Variants in RFX2 observed in about 807,000 individuals in gnomAD.
The protein encoded by RFX2 is regulatory factor X2.
In RFX2, 20 loss-of-function variants were observed where a neutral mutation model predicts 87.8. The ratio of observed to expected loss-of-function variants is 0.23; its 90% confidence interval spans 0.16 to 0.33. The LOEUF (loss-of-function observed/expected upper bound fraction) is 0.33. Among genes scored for constraint, RFX2 ranks in the 10% least tolerant of loss-of-function variants. The pLI is 1.00. For missense variants in RFX2, 767 were observed against 1,012.3 expected (o/e 0.76, Z 3.29); for synonymous variants, 397 against 431.3 (o/e 0.92, Z 0.98).
chr19:6,060,710 C>G (rs2087416893), intron 1 of RFX2, among the ~76,000 whole-genome samples: 1 of 152,064 alleles, frequency 6.6e-6, no homozygotes. Flanking sequence ...CGTGTCGCTC[C>G]TCGAAGCTCT....
intron 5 of RFX2, among the ~76,000 whole-genome samples, chr19:6,032,129 T>C (rs2144746127): frequency 6.6e-6 from 1 of 152,220 alleles, no homozygotes; most frequent in Non-Finnish European, 1.5e-5. Flanking sequence ...TTTATTATTA[T>C]TATTATTTTT....
chr19:6,057,036 A>C (rs963646540), intron 1 of RFX2: 4 of 152,208 alleles, frequency 2.6e-5, no homozygotes, highest in African/African-American at 7.2e-5. Flanking sequence ...CAGGGCGGGC[A>C]TGAAATAAAG....
At chr19:6,090,388 A>G (rs1252514968) in intron 1 of RFX2, among the ~76,000 whole-genome samples, 3 of 151,596 alleles carry the variant, frequency 2.0e-5, no homozygotes, top group Non-Finnish European at 4.4e-5. Context: ...AAAAAAAAAA[A>G]GAATACACAT....
chr19:5,995,254 A>G (rs1429322388), intron 17 of RFX2, among the ~76,000 whole-genome samples: 5 of 152,052 alleles, frequency 3.3e-5, no homozygotes, highest in Non-Finnish European at 5.9e-5. Flanking sequence ...TCCCACCCGC[A>G]TGGGACAGAG....
rs376621685 is a variant in RFX2, at chr19:6,002,064, C to T, written c.1651-41G>A. 1 of 1,528,376 alleles carries T rather than the reference C, an allele frequency of 6.5e-7. No homozygotes were observed. The highest frequency in any genetic ancestry group is 8.8e-7 in the Non-Finnish European group (1 of 1,130,384). The allele number at this position is 1,528,376 out of a possible 1,614,324, so 94.7% of individuals were successfully genotyped here. On this transcript the variant is annotated intron_variant, in intron 14 of 17. Coordinates refer to ENST00000303657, the MANE Select transcript of RFX2 (RefSeq NM_000635.4). This position sits in a 1 kb window ranked among gnomAD's most constrained non-coding sequence, Gnocchi z 6.7. ...AGGCCAGTGTCAGCAATGTGGACCC[C>T]CAGCCACGGCAGCCCTCCCTGGACC...
At chr19:6,042,505 T>G (rs3838916) in intron 3 of RFX2, among the ~76,000 whole-genome samples, 29,006 of 152,084 alleles carry the variant, frequency 0.19, 8,076 homozygotes, top group African/African-American at 0.61. Context: ...TGTTTTTTTT[T>G]TTTGTTTGTT....
intron 1 of RFX2, among the ~76,000 whole-genome samples, chr19:6,102,420 A>C (rs900399778): frequency 6.6e-6 from 1 of 152,254 alleles, no homozygotes; most frequent in African/African-American, 2.4e-5. Flanking sequence ...ATGAATGATG[A>C]ACAAATGTCA....
At chr19:6,091,242 A>G (rs2087930166) in intron 1 of RFX2, among the ~76,000 whole-genome samples, 1 of 152,202 alleles carries the variant, frequency 6.6e-6, no homozygotes, top group African/African-American at 2.4e-5. Context: ...CTGTAAACCC[A>G]GCACTTTGGG....
chr19:6,027,155 A>C lies in RFX2; in HGVS notation c.523-918T>G, dbSNP rs2086900235. The C allele has an allele frequency of 6.6e-6, 1 of 151,794 alleles. No homozygotes were observed. Among genetic ancestry groups the C allele is most frequent in the Admixed American group, 6.6e-5 (1 of 15,260 alleles). The allele number at this position is 151,794 out of a possible 1,614,324, so 9.4% of individuals were successfully genotyped here. A position where few individuals can be genotyped will look rare whatever the true frequency, so the allele number is the denominator to read the frequency against. The stretch of plus-strand genomic sequence containing the variant: ...GAAGTATATGCTTCCTTTCTTAAGG[A>C]GGCCAAAGACTTGACACTTCTGCAA... On this transcript the variant is annotated intron_variant, in intron 5 of 17. Transcript: ENST00000303657. This position sits in a 1 kb window ranked among gnomAD's most constrained non-coding sequence, Gnocchi z 5.0.
At position 6,063,924 on chromosome 19, in the gene RFX2, C is replaced by G. The variant is rs895160364; in HGVS notation, c.-8-16420G>C. Among the ~76,000 whole-genome samples, 1 of 152,204 alleles carries G rather than the reference C, an allele frequency of 6.6e-6. No homozygotes were observed. The highest frequency in any genetic ancestry group is 1.5e-5 in the Non-Finnish European group (1 of 68,026). On this transcript the variant is annotated intron_variant, in intron 1 of 17. Transcript: ENST00000303657. The surrounding 1 kb of genome is among the most constrained non-coding windows in gnomAD (Gnocchi z 4.0). ...GAGAACCACACGTCTAAGGCCACAC[C>G]TTTACTCCACACAGCATTTCCAGAT...
rs2086838779 is a variant in RFX2, at chr19:6,022,998, C to T, written c.597+3165G>A. The T allele has an allele frequency of 6.6e-6, 1 of 152,338 alleles. No individual in the cohort carries two copies. The highest frequency in any genetic ancestry group is 1.5e-5 in the Non-Finnish European group (1 of 68,104). The allele number at this position is 152,338 out of a possible 1,614,324, so 9.4% of individuals were successfully genotyped here. On this transcript the variant is annotated intron_variant, in intron 6 of 17. Coordinates refer to ENST00000303657, the MANE Select transcript of RFX2 (RefSeq NM_000635.4). The surrounding 1 kb of genome is among the most constrained non-coding windows in gnomAD (Gnocchi z 6.2). ...CTCAGAGATGTCTGTGAGGGGTTCC[C>T]TAGGTGGGTTTCCCACGTCTTCCAC...
At chr19:6,099,229 C>T (rs1259957615) in intron 1 of RFX2, among the ~76,000 whole-genome samples, 1 of 152,054 alleles carries the variant, frequency 6.6e-6, no homozygotes, top group Admixed American at 6.6e-5. Context: ...ACATAGAATT[C>T]GGGATTTCAT....
chr19:6,039,989 C>T lies in RFX2; in HGVS notation c.513G>A (p.Ser171=), dbSNP rs138120290. ...RHSLAHTSRS[S]PATLEMAIEN... is the part of the protein sequence containing the mutation. ...AGAGCCTCCTACATACCGTGGCGGG[C>T]GATGAGCGGGAGGTGTGGGCCAGGG... Residue 171 remains serine (S), a synonymous_variant, in exon 5 of 18, where the codon TCG becomes TCA. Transcript: ENST00000303657. The surrounding 1 kb of genome is among the most constrained non-coding windows in gnomAD (Gnocchi z 5.2). 132 of 1,578,400 alleles carry T rather than the reference C, an allele frequency of 8.4e-5. No homozygotes were observed. In the African/African-American group the frequency reaches 1.1e-3, roughly 13 times the overall value.
chr19:6,088,902 G>A (rs2087894671), intron 1 of RFX2, among the ~76,000 whole-genome samples: 1 of 152,216 alleles, frequency 6.6e-6, no homozygotes, highest in African/African-American at 2.4e-5. Flanking sequence ...CTGTGGCTGT[G>A]TGCCAATAAA....
At position 6,061,772 on chromosome 19, in the gene RFX2, T is replaced by G. The variant is rs1318964841; in HGVS notation, c.-8-14268A>C. Reference sequence around the variant, plus strand: ...TTCAAGTCCCAGGCTTGTCACTCGCTTACTGACTGTGGCAGTGGCCTTGGT... The same window carrying G: ...TTCAAGTCCCAGGCTTGTCACTCGCGTACTGACTGTGGCAGTGGCCTTGGT... On this transcript the variant is annotated intron_variant, in intron 1 of 17. Transcript: ENST00000303657. This position sits in a 1 kb window ranked among gnomAD's most constrained non-coding sequence, Gnocchi z 5.2. Among the ~76,000 whole-genome samples, 1 of 152,180 alleles carries G rather than the reference T, an allele frequency of 6.6e-6. No individual in the cohort carries two copies. The highest frequency in any genetic ancestry group is 6.5e-5 in the Admixed American group (1 of 15,274).
chr19:6,001,670 T>C lies in RFX2; in HGVS notation c.1859+145A>G. Reference sequence around the variant, plus strand: ...ATGAGTGAGGCCCCCAGCCAGGTAGTTGTTTTTTGCGGGTTCAGACACTGC... The same window carrying C: ...ATGAGTGAGGCCCCCAGCCAGGTAGCTGTTTTTTGCGGGTTCAGACACTGC... On this transcript the variant is annotated intron_variant, in intron 15 of 17. Coordinates refer to ENST00000303657, the MANE Select transcript of RFX2 (RefSeq NM_000635.4). This position sits in a 1 kb window ranked among gnomAD's most constrained non-coding sequence, Gnocchi z 5.6. The C allele has an allele frequency of 1.5e-6, 1 of 663,518 alleles. No individual in the cohort carries two copies. The highest frequency in any genetic ancestry group is 2.4e-6 in the Non-Finnish European group (1 of 410,172). The allele number at this position is 663,518 out of a possible 1,614,324, so 41.1% of individuals were successfully genotyped here.
chr19:6,080,089 G>A (rs2144856325), intron 1 of RFX2, among the ~76,000 whole-genome samples: 1 of 152,062 alleles, frequency 6.6e-6, no homozygotes, highest in East Asian at 1.9e-4. Context: ...GCCTAGGCTG[G>A]AGAGTGCAGT....
At chr19:6,042,295 A>G (rs962343852) in intron 3 of RFX2, among the ~76,000 whole-genome samples, 172 bp from the exon 4 acceptor site, 1 of 152,240 alleles carries the variant, frequency 6.6e-6, no homozygotes, top group African/African-American at 2.4e-5. Context: ...AGTAATGTAC[A>G]GACGACATAT....
chr19:6,002,723 G>T lies in RFX2; in HGVS notation c.1648C>A (p.Gln550Lys). The T allele has an allele frequency of 6.2e-7, 1 of 1,613,478 alleles. No individual in the cohort carries two copies. The highest frequency in any genetic ancestry group is 8.5e-7 in the Non-Finnish European group (1 of 1,179,914). Residue 550 changes from glutamine to lysine, a missense_variant and splice_region_variant, in exon 14 of 18, where the codon CAG (glutamine) becomes AAG (lysine). By Grantham distance (53) the Gln-to-Lys change is moderately conservative. This residue lies in a region of RFX2 where 621 missense variants were observed against 873.0 expected (regional missense o/e 0.71). Transcript: ENST00000303657. This position sits in a 1 kb window ranked among gnomAD's most constrained non-coding sequence, Gnocchi z 6.7. ...GGGGACGGTGTGGAGGAAGTCACCT[G>T]CACGTTGGCAAAGTCCACGCGGTTG... ...DLNRVDFANV[Q>K]EQASWVCQCE...
Sources: allele counts gnomAD v4.1 joint callset (sites outside exome capture counted in the v4.1 genomes callset), GRCh38; gene constraint gnomAD v4.1.1; regional missense constraint gnomAD v4.1.1; non-coding constraint Gnocchi (gnomAD v3.1); transcripts MANE v1.5; gene names NCBI Gene and HGNC (gene_info 2026-07-23, HGNC 2026-07-21).